The following CACNA1A variants were observed in gnomAD, a reference collection of about 807,000 sequenced individuals.
CACNA1A encodes the protein calcium voltage-gated channel subunit alpha1 A.
CACNA1A carries 57 observed loss-of-function variants against 262.4 expected under a neutral mutation model. The ratio of observed to expected loss-of-function variants is 0.22; its 90% CI spans 0.18 to 0.27. The LOEUF is 0.27. Among genes scored for constraint, CACNA1A ranks in the 10% least tolerant of loss-of-function variants. The probability of loss-of-function intolerance (pLI) is 1.00; values close to 1 mark genes in which losing one functional copy is unlikely to be tolerated. For synonymous variants in CACNA1A, 1,431 were observed against 1,419.3 expected (o/e 1.01, Z -0.18); for missense variants, 2,526 against 3,562.8 (o/e 0.71, Z 7.41).
chr19:13,363,246 A>G (rs2059142242), intron 5 of CACNA1A: 1 of 151,944 alleles, frequency 6.6e-6, no homozygotes, highest in South Asian at 2.1e-4. Flanking sequence ...ACAGAAACCT[A>G]GGATCCAGGA....
intron 38 of CACNA1A, among the ~76,000 whole-genome samples, chr19:13,220,977 C>T: frequency 6.6e-6 from 1 of 151,562 alleles, no homozygotes; most frequent in Non-Finnish European, 1.5e-5. Flanking sequence ...CAATATCTGT[C>T]CTCCACCCCT....
chr19:13,400,883 G>A (rs1374126582), intron 3 of CACNA1A, among the ~76,000 whole-genome samples: 1 of 152,112 alleles, frequency 6.6e-6, no homozygotes, highest in Admixed American at 6.6e-5. Context: ...GGAGTAAAGT[G>A]GCGTGATCTT....
At chr19:13,300,970 C>T (rs2057775892) in intron 17 of CACNA1A, among the ~76,000 whole-genome samples, 1 of 151,942 alleles carries the variant, frequency 6.6e-6, no homozygotes, top group Non-Finnish European at 1.5e-5. Flanking sequence ...TTTTCAGAGA[C>T]AGAGTCTCCC....
rs997094772 is a variant in CACNA1A at position 13,464,832 on chromosome 19, G to A, written c.294-9620C>T. ...CAAAGTGCTGGGATTACAGGCGTGAGCCACTGCGCCCGGCCAACTTTTCCT... is the reference window on the plus strand; with the variant it reads ...CAAAGTGCTGGGATTACAGGCGTGAACCACTGCGCCCGGCCAACTTTTCCT... On this transcript the variant is annotated intron_variant, in intron 1 of 46. Coordinates refer to ENST00000360228, the MANE Select transcript of CACNA1A (RefSeq NM_001127222.2). Among the ~76,000 whole-genome samples, 13 of 152,132 alleles carry A rather than the reference G, an allele frequency of 8.5e-5. 1 individual carries two copies. The highest frequency in any genetic ancestry group is 3.3e-4 in the Admixed American group (5 of 15,264).
At chr19:13,384,569 G>A (rs1221001246) in intron 3 of CACNA1A, among the ~76,000 whole-genome samples, 3 of 152,098 alleles carry the variant, frequency 2.0e-5, no homozygotes, top group Non-Finnish European at 2.9e-5. Flanking sequence ...CCGTGGTGGC[G>A]GGAGCCTGTA....
chr19:13,303,540 C>T lies in CACNA1A; in HGVS notation c.2172+6G>A. On this transcript the variant is annotated splice_donor_region_variant and intron_variant, in intron 17 of 46. Coordinates refer to ENST00000360228, the MANE Select transcript of CACNA1A (RefSeq NM_001127222.2). ...TGCCAGAGAAACATTCTCCCACCGC[C>T]TCCACCTTGGTGAGCTCCTGGGCGT... is the stretch of plus-strand genomic sequence containing the variant. The T allele has an allele frequency of 6.2e-7, 1 of 1,603,828 alleles. No homozygotes were observed. The highest frequency in any genetic ancestry group is 8.5e-7 in the Non-Finnish European group (1 of 1,174,952).
intron 43 of CACNA1A, chr19:13,211,630 G>C (rs563907036): frequency 1.1e-5 from 2 of 184,630 alleles, no homozygotes; most frequent in African/African-American, 4.7e-5. Flanking sequence ...TGTGCAGTGT[G>C]TATATGCCCA....
At chr19:13,262,082 T>G (rs1002732381) in intron 25 of CACNA1A, 6 of 161,584 alleles carry the variant, frequency 3.7e-5, no homozygotes, top group African/African-American at 4.8e-5. Flanking sequence ...CTGTCTTTAA[T>G]TTTTAGTAGA....
At chr19:13,464,678 A>G (rs1318210218) in intron 1 of CACNA1A, among the ~76,000 whole-genome samples, 3 of 150,826 alleles carry the variant, frequency 2.0e-5, no homozygotes, top group Non-Finnish European at 2.9e-5. Flanking sequence ...CCTCCCGAGT[A>G]GCTGGGATTA....
At chr19:13,477,744 C>A (rs1204743786) in intron 1 of CACNA1A, among the ~76,000 whole-genome samples, 1 of 152,222 alleles carries the variant, frequency 6.6e-6, no homozygotes, top group East Asian at 1.9e-4. Context: ...TCCACTCTCA[C>A]TTTTGGCTCT....
intron 9 of CACNA1A, among the ~76,000 whole-genome samples, chr19:13,332,369 C>T (rs1024942128): frequency 1.3e-5 from 2 of 151,740 alleles, no homozygotes; most frequent in Non-Finnish European, 2.9e-5. Context: ...GACTGCACTC[C>T]AGCCTGGGTG....
At chr19:13,432,925 G>A (rs1239921539) in intron 3 of CACNA1A, among the ~76,000 whole-genome samples, 1 of 152,056 alleles carries the variant, frequency 6.6e-6, no homozygotes, top group Non-Finnish European at 1.5e-5. Context: ...TTGGGAGGCT[G>A]AGGCAGGAAG....
At chr19:13,489,539 T>C (rs1311675648) in intron 1 of CACNA1A, among the ~76,000 whole-genome samples, 1 of 152,228 alleles carries the variant, frequency 6.6e-6, no homozygotes, top group African/African-American at 2.4e-5. Flanking sequence ...CTCAAAGTGC[T>C]GGGATTACAG....
chr19:13,218,137 C>A (rs1244110048), intron 38 of CACNA1A, among the ~76,000 whole-genome samples: 2 of 152,000 alleles, frequency 1.3e-5, no homozygotes, highest in Admixed American at 6.6e-5. Context: ...ATTGCCCAGG[C>A]TGGAGTGCAA....
At chr19:13,375,003 T>C (rs760457655) in intron 3 of CACNA1A, among the ~76,000 whole-genome samples, 2 of 152,314 alleles carry the variant, frequency 1.3e-5, no homozygotes, top group Non-Finnish European at 2.9e-5. Context: ...CTTTGCTTTA[T>C]TGCAATTTGT....
At chr19:13,283,193 C>G in intron 22 of CACNA1A, 74 bp downstream of exon 22, 1 of 1,567,750 alleles carries the variant, frequency 6.4e-7, no homozygotes, top group Non-Finnish European at 8.7e-7. Flanking sequence ...TACCTATGAG[C>G]ATTTTGGATG....
intron 3 of CACNA1A, among the ~76,000 whole-genome samples, chr19:13,376,249 G>A (rs1466523727): frequency 1.3e-5 from 2 of 152,158 alleles, no homozygotes; most frequent in Non-Finnish European, 2.9e-5. Flanking sequence ...ATGCCCTATT[G>A]GAAGAAGTTG....
At chr19:13,347,818 CA>C (rs761574814) in intron 6 of CACNA1A, among the ~76,000 whole-genome samples, 2 of 152,196 alleles carry the variant, frequency 1.3e-5, no homozygotes, top group Non-Finnish European at 2.9e-5. Flanking sequence ...TGATTTTGGT[CA>C]AGACAAACAT....
intron 31 of CACNA1A, among the ~76,000 whole-genome samples, chr19:13,240,734 GACTGCGTGCAGCGTC>G (rs2144672926): frequency 8.0e-6 from 1 of 125,686 alleles, no homozygotes; most frequent in South Asian, 2.9e-4. Flanking sequence ...TGACTGCAGT[GACTGCGTGCAGCGTC>G]TGTGTGCAGT....
Sources: allele counts gnomAD v4.1 joint callset (sites outside exome capture counted in the v4.1 genomes callset), GRCh38; gene constraint gnomAD v4.1.1; transcripts MANE v1.5; gene names NCBI Gene and HGNC (gene_info 2026-07-23, HGNC 2026-07-21).